RRN3: variants seen among roughly 807,000 people sequenced by gnomAD.
RRN3 encodes the protein RNA polymerase I-specific transcription initiation factor RRN3.
In RRN3, 38 loss-of-function variants were observed where a neutral mutation model predicts 82.3. That is an observed-to-expected ratio of 0.46 (90% CI 0.36 to 0.61). The LOEUF (loss-of-function observed/expected upper bound fraction) is 0.61, where lower values mean the gene tolerates loss of function less well. RRN3 is among the 20% of genes least tolerant of loss of function. The probability of loss-of-function intolerance (pLI) is 0.00; values close to 1 mark genes in which losing one functional copy is unlikely to be tolerated. For missense variants in RRN3, 726 were observed against 793.1 expected (o/e 0.92, Z 1.02); for synonymous variants, 284 against 284.3 (o/e 1.00, Z 0.01).
intron 15 of RRN3, 28 bp from the exon 16 acceptor site, chr16:15,065,399 G>T: frequency 2.5e-6 from 4 of 1,605,536 alleles, no homozygotes; most frequent in Non-Finnish European, 3.4e-6. Flanking sequence ...AACACAGACA[G>T]AGGCATTAAC....
chr16:15,081,702 T>A (rs978604498), intron 8 of RRN3, among the ~76,000 whole-genome samples: 4 of 152,240 alleles, frequency 2.6e-5, no homozygotes, highest in Non-Finnish European at 5.9e-5. Flanking sequence ...TGCATTTTTT[T>A]CTTTGGTTGC....
chr16:15,076,478 C>G (rs1426572479), intron 10 of RRN3, 80 bp downstream of exon 10: 3 of 970,264 alleles, frequency 3.1e-6, no homozygotes, highest in South Asian at 1.3e-5. Flanking sequence ...AATCTAAAGC[C>G]TTAACAAAGA....
rs367562275 is a variant in RRN3, at chr16:15,094,181, G to T, written c.53C>A (p.Ser18Tyr). The change falls in exon 1 of 18, where the codon TCC becomes TAC. Residue 18 changes from serine to tyrosine, a missense_variant. Coordinates refer to ENST00000198767, the MANE Select transcript of RRN3 (RefSeq NM_018427.5). ...CGCGCCCAGCTTCTTAACTGCAGAG[G>T]ACGAAGCGGCCGCATCTCCCGGCAA... ...TRLPGDAAAS[S>Y]SAVKKLGASR... is the part of the protein sequence containing the mutation. 1.2e-6 allele frequency: 2 copies of T among 1,602,446 alleles called. No individual in the cohort carries two copies. The highest frequency in any genetic ancestry group is 1.7e-6 in the Non-Finnish European group (2 of 1,174,908).
intron 15 of RRN3, among the ~76,000 whole-genome samples, chr16:15,067,945 A>C (rs1027151124): frequency 2.6e-5 from 4 of 151,802 alleles, no homozygotes; most frequent in Admixed American, 6.6e-5. Flanking sequence ...TTTTTTGTAG[A>C]GATAGGGTCT....
chr16:15,062,132 T>C (rs774878112), intron 17 of RRN3, among the ~76,000 whole-genome samples: 7 of 152,122 alleles, frequency 4.6e-5, no homozygotes, highest in Non-Finnish European at 8.8e-5. Flanking sequence ...CTGGGCAACA[T>C]AGCGAGACCA....
intron 11 of RRN3, among the ~76,000 whole-genome samples, chr16:15,074,193 T>A (rs181898158): frequency 6.6e-6 from 1 of 152,210 alleles, no homozygotes; most frequent in South Asian, 2.1e-4. Context: ...AAAACAGTAA[T>A]GCAGTCAACT....
intron 8 of RRN3, among the ~76,000 whole-genome samples, chr16:15,082,515 A>C (rs971996961): frequency 2.6e-5 from 4 of 151,898 alleles, no homozygotes; most frequent in Non-Finnish European, 5.9e-5. Context: ...TCTACCAAAA[A>C]CACAAAAATT....
chr16:15,093,376 T>TTCTCTCCCTTC (rs1245507302), intron 1 of RRN3, among the ~76,000 whole-genome samples: 2 of 152,162 alleles, frequency 1.3e-5, no homozygotes, highest in Non-Finnish European at 2.9e-5. Context: ...CAAAAGCTCC[T>TTCTCTCCCTTC]TCTCTCCCTT....
Position 15,094,004 on chromosome 16 carries a change from T to G in RRN3, c.89+141A>C, listed in dbSNP as rs987058178. 6 of 735,460 alleles carry G rather than the reference T, an allele frequency of 8.2e-6. No homozygotes were observed. In the African/African-American group the frequency reaches 1.1e-4, roughly 13 times the overall value. The allele number at this position is 735,460 out of a possible 1,614,324, so 45.6% of individuals were successfully genotyped here. A position where few individuals can be genotyped will look rare whatever the true frequency, so the allele number is the denominator to read the frequency against. ...CCCAGTTAGGAGGAATGAGCTCATT[T>G]CTGTGAACGTGAGATGACCCTCCAC... On this transcript the variant is annotated intron_variant, in intron 1 of 17. Transcript: ENST00000198767.
At chr16:15,079,596 C>T (rs1394957567) in intron 9 of RRN3, among the ~76,000 whole-genome samples, 3 of 143,048 alleles carry the variant, frequency 2.1e-5, no homozygotes, top group East Asian at 4.1e-4. Context: ...GGTTTCTTTT[C>T]TTTTTTTTTT....
chr16:15,086,699 G>A (rs2045927886), intron 3 of RRN3, among the ~76,000 whole-genome samples: 1 of 152,174 alleles, frequency 6.6e-6, no homozygotes, highest in African/African-American at 2.4e-5. Context: ...ACTTCAGCCT[G>A]ATCACTTCTG....
chr16:15,070,176 T>G lies in RRN3; in HGVS notation c.1338A>C (p.Ala446=). 1 of 1,610,106 alleles carries G rather than the reference T, an allele frequency of 6.2e-7. No homozygotes were observed. Among genetic ancestry groups the G allele is most frequent in the Non-Finnish European group, 8.5e-7 (1 of 1,178,966 alleles). Residue 446 remains alanine (A), a synonymous_variant, in exon 14 of 18, where the codon GCA becomes GCC. Transcript: ENST00000198767. ...GTCCATGGAGAGCAACATCGCAGAA[T>G]GCCTTTGTTCCCGAATCCTGGTTAT... ...YLNNQDSGTK[A]FCDVALHGPF...
At chr16:15,082,990 C>T (rs1219059109) in intron 8 of RRN3, among the ~76,000 whole-genome samples, 1 of 151,908 alleles carries the variant, frequency 6.6e-6, no homozygotes, top group Non-Finnish European at 1.5e-5. Context: ...CCTTGACTTG[C>T]ACATAGTAAT....
At chr16:15,062,695 A>G (rs1165509573) in intron 17 of RRN3, among the ~76,000 whole-genome samples, 3 of 152,254 alleles carry the variant, frequency 2.0e-5, no homozygotes, top group African/African-American at 4.8e-5. Flanking sequence ...CGCAAGTGGC[A>G]AAGATCTAAA....
chr16:15,085,003 C>T (rs1022358887), intron 6 of RRN3, among the ~76,000 whole-genome samples: 1 of 151,680 alleles, frequency 6.6e-6, no homozygotes, highest in African/African-American at 2.4e-5. Flanking sequence ...GAGGTGAAGG[C>T]TGCAGCGAAC....
chr16:15,086,547 G>C, intron 3 of RRN3, 93 bp from the exon 4 acceptor site: 2 of 1,547,650 alleles, frequency 1.3e-6, no homozygotes, highest in Non-Finnish European at 1.7e-6. Flanking sequence ...ATCAAGAATA[G>C]GTTGGGGGGA....
At position 15,094,164 on chromosome 16, in the gene RRN3, G is replaced by C. The variant is rs772540101; in HGVS notation, c.70C>G (p.Leu24Val). The change falls in exon 1 of 18, where the codon CTG (leucine) becomes GTG (valine). Residue 24 changes from leucine (L) to valine (V), a missense_variant. Leu to Val is a conservative substitution (Grantham distance 32). Coordinates refer to ENST00000198767, the MANE Select transcript of RRN3 (RefSeq NM_018427.5). ...TCTTACCCAGTCCTCGACGCGCCCA[G>C]CTTCTTAACTGCAGAGGACGAAGCG... The part of the protein sequence containing the change: ...AAASSSAVKK[L>V]GASRTGISNM... 6.2e-7 allele frequency: 1 copy of C among 1,601,710 alleles called. No homozygotes were observed. The highest frequency in any genetic ancestry group is 8.5e-7 in the Non-Finnish European group (1 of 1,174,356).
At position 15,078,146 on chromosome 16, in the gene RRN3, G is replaced by GAAAGACT. The variant is rs2045545255; in HGVS notation, c.766-1503_766-1497dup. 2.0e-5 allele frequency among the ~76,000 whole-genome samples: 3 copies of GAAAGACT among 152,280 alleles called. No homozygotes were observed. The South Asian group carries it at 6.2e-4, about 32-fold the overall frequency. Reference sequence around the variant, plus strand: ...AAATGTTCCTTAAGTATATACCAGAGAAAGACTATAAAGAGTACATATACA... The same window carrying GAAAGACT: ...AAATGTTCCTTAAGTATATACCAGAGAAAGACTAAAGACTATAAAGAGTACATATACA... On this transcript the variant is annotated intron_variant, in intron 9 of 17. Transcript: ENST00000198767.
At chr16:15,082,863 G>C (rs1218324278) in intron 8 of RRN3, among the ~76,000 whole-genome samples, 2 of 152,160 alleles carry the variant, frequency 1.3e-5, no homozygotes, top group African/African-American at 2.4e-5. Context: ...GGAAGGCTTT[G>C]TCTTCAGGTT....
Sources: gnomAD v4.1 joint callset for allele counts (sites outside exome capture counted in the v4.1 genomes callset) on GRCh38, gnomAD v4.1.1 for gene constraint, MANE v1.5 for transcripts, NCBI Gene and HGNC (gene_info 2026-07-23, HGNC 2026-07-21) for gene names.